Variants in PTPRD observed in about 807,000 individuals in gnomAD.
The protein encoded by PTPRD is protein tyrosine phosphatase receptor type D.
PTPRD carries 34 observed loss-of-function variants against 214.5 expected under a neutral mutation model. The observed-to-expected ratio is 0.16, with a 90% CI of 0.12 to 0.21. The LOEUF (loss-of-function observed/expected upper bound fraction) is 0.21. Ranked by LOEUF, PTPRD falls within the 10% of genes least tolerant of loss-of-function variation. The pLI is 1.00. For synonymous variants in PTPRD, 1,128 were observed against 845.7 expected (o/e 1.33, Z -5.79); for missense variants, 2,545 against 2,398.7 (o/e 1.06, Z -1.27).
chr9:8,685,196 G>A (rs2097653160), intron 12 of PTPRD, among the ~76,000 whole-genome samples: 1 of 151,402 alleles, frequency 6.6e-6, no homozygotes, highest in Non-Finnish European at 1.5e-5. Context: ...AAAGATGAAA[G>A]GAACCATCTT....
intron 9 of PTPRD, among the ~76,000 whole-genome samples, chr9:9,318,871 T>C (rs1021451820): frequency 4.6e-5 from 7 of 152,198 alleles, no homozygotes; most frequent in Non-Finnish European, 1.0e-4. Context: ...AACTCTCTGC[T>C]CTTCATCCCA....
At chr9:9,621,739 C>T (rs1319218346) in intron 7 of PTPRD, among the ~76,000 whole-genome samples, 6 of 151,964 alleles carry the variant, frequency 3.9e-5, no homozygotes, top group African/African-American at 9.7e-5. Context: ...AAGTGGAGCA[C>T]GCCTGGGCTG....
At chr9:10,577,172 G>A (rs2069690953) in intron 2 of PTPRD, among the ~76,000 whole-genome samples, 1 of 151,910 alleles carries the variant, frequency 6.6e-6, no homozygotes, top group Non-Finnish European at 1.5e-5. Flanking sequence ...TGTCTTCATT[G>A]TTTAACAAGG....
chr9:9,121,755 C>T (rs2099817842), intron 10 of PTPRD, among the ~76,000 whole-genome samples: 1 of 152,022 alleles, frequency 6.6e-6, no homozygotes. Flanking sequence ...ATCAGGTTCT[C>T]ACAAATCTCC....
At chr9:9,848,270 A>G (rs955837318) in intron 5 of PTPRD, among the ~76,000 whole-genome samples, 2 of 152,148 alleles carry the variant, frequency 1.3e-5, no homozygotes, top group African/African-American at 2.4e-5. Flanking sequence ...GTTCATTTAT[A>G]TCAACACATG....
intron 22 of PTPRD, 39 bp from the exon 23 acceptor site, chr9:8,504,444 T>C (rs1563905358): frequency 6.2e-7 from 1 of 1,610,448 alleles, no homozygotes; most frequent in Non-Finnish European, 8.5e-7. Flanking sequence ...TTCATTAAGG[T>C]TCATGCAAAT....
intron 2 of PTPRD, among the ~76,000 whole-genome samples, chr9:10,518,770 G>A (rs1402784308): frequency 6.6e-6 from 1 of 151,660 alleles, no homozygotes; most frequent in Non-Finnish European, 1.5e-5. Context: ...CTGACCTCGT[G>A]ATCTGCCCGC....
At chr9:9,797,742 G>GT (rs1047870424) in intron 5 of PTPRD, among the ~76,000 whole-genome samples, 1 of 152,054 alleles carries the variant, frequency 6.6e-6, no homozygotes, top group Non-Finnish European at 1.5e-5. Context: ...GCTACTCGGG[G>GT]GGGGCTGAGG....
intron 9 of PTPRD, among the ~76,000 whole-genome samples, chr9:9,248,621 T>C (rs905621401): frequency 1.3e-5 from 2 of 152,086 alleles, no homozygotes; most frequent in African/African-American, 4.8e-5. Flanking sequence ...GTGTTCTGTG[T>C]TGAAAAGGAA....
intron 9 of PTPRD, among the ~76,000 whole-genome samples, chr9:9,343,192 C>T (rs535696252): frequency 2.0e-5 from 3 of 152,198 alleles, no homozygotes; most frequent in South Asian, 4.1e-4. Flanking sequence ...AATAAACATA[C>T]TTGTGCTTGT....
intron 32 of PTPRD, among the ~76,000 whole-genome samples, chr9:8,462,452 C>A (rs562439421): frequency 6.6e-6 from 1 of 151,994 alleles, no homozygotes; most frequent in East Asian, 1.9e-4. Context: ...AACTATAAAG[C>A]CTTCAAGAGG....
chr9:9,763,785 G>A (rs962621706), intron 6 of PTPRD, among the ~76,000 whole-genome samples: 2 of 151,988 alleles, frequency 1.3e-5, no homozygotes, highest in African/African-American at 2.4e-5. Context: ...GCATTAAAAA[G>A]TTTATTAACC....
chr9:10,308,979 T>C (rs1205855818), intron 3 of PTPRD, among the ~76,000 whole-genome samples: 1 of 152,108 alleles, frequency 6.6e-6, no homozygotes, highest in East Asian at 1.9e-4. Context: ...GGCAAAATCC[T>C]AAAAGTGGAA....
intron 11 of PTPRD, among the ~76,000 whole-genome samples, chr9:8,964,697 T>A (rs1007185389): frequency 4.6e-5 from 7 of 152,134 alleles, no homozygotes; most frequent in African/African-American, 1.4e-4. Flanking sequence ...TTTAGAACTA[T>A]AAACTTTCCT....
chr9:9,697,807 T>C (rs1487258379), intron 7 of PTPRD, among the ~76,000 whole-genome samples: 4 of 152,302 alleles, frequency 2.6e-5, no homozygotes, highest in Middle Eastern at 3.4e-3. Context: ...AGATTTCCTC[T>C]TTTGAGATAA....
chr9:10,543,507 A>ACACACGT (rs1333500511), intron 2 of PTPRD, among the ~76,000 whole-genome samples: 2 of 68,374 alleles, frequency 2.9e-5, no homozygotes, highest in Non-Finnish European at 7.4e-5. Context: ...CACACACACA[A>ACACACGT]ACACACACAC....
At chr9:9,364,214 C>G (rs532260812) in intron 9 of PTPRD, among the ~76,000 whole-genome samples, 1 of 151,384 alleles carries the variant, frequency 6.6e-6, no homozygotes, top group African/African-American at 2.4e-5. Context: ...AGCTGCCTAA[C>G]ACAGTTTTAT....
chr9:9,211,514 C>T (rs937364042), intron 9 of PTPRD, among the ~76,000 whole-genome samples: 3 of 99,272 alleles, frequency 3.0e-5, no homozygotes, highest in East Asian at 5.1e-4. Context: ...AGTGTGCGCA[C>T]GCACACACAC....
At chr9:8,781,017 CTTTAGG>C (rs1167596744) in intron 11 of PTPRD, among the ~76,000 whole-genome samples, 1 of 152,156 alleles carries the variant, frequency 6.6e-6, no homozygotes, top group African/African-American at 2.4e-5. Context: ...GAAATCTTCT[CTTTAGG>C]TTTAACTGTA....
Sources: allele counts gnomAD v4.1 joint callset (sites outside exome capture counted in the v4.1 genomes callset), GRCh38; gene constraint gnomAD v4.1.1; transcripts MANE v1.5; gene names NCBI Gene and HGNC (gene_info 2026-07-23, HGNC 2026-07-21).